The following HARBI1 variants were observed in gnomAD, a reference collection of about 807,000 sequenced individuals.
HARBI1 encodes putative nuclease HARBI1.
A neutral mutation model predicts 25.3 loss-of-function variants in HARBI1; 15 were observed. That is an observed-to-expected ratio of 0.59 (90% CI 0.40 to 0.91). The LOEUF is 0.91. Among genes scored for constraint, HARBI1 ranks in the 40% least tolerant of loss-of-function variants. The probability of loss-of-function intolerance (pLI) is 0.00; values close to 1 mark genes in which losing one functional copy is unlikely to be tolerated. For synonymous variants in HARBI1, 168 were observed against 160.5 expected, an observed-to-expected ratio of 1.05 and a Z score of -0.35; for missense variants, 396 against 445.8, an observed-to-expected ratio of 0.89 and a Z score of 1.01.
intron 1 of HARBI1, chr11:46,616,853 A>AAC (rs2045548406): frequency 1.0e-6 from 1 of 964,440 alleles, no homozygotes; most frequent in African/African-American, 1.8e-5. Context: ...AAAAAAAAAA[A>AAC]AAAAAAAAAC....
chr11:46,605,964 C>T (rs1237739204), intron 2 of HARBI1, among the ~76,000 whole-genome samples: 1 of 151,972 alleles, frequency 6.6e-6, no homozygotes, highest in Non-Finnish European at 1.5e-5. Context: ...CGGCTCACTG[C>T]AACCTCCGCC....
chr11:46,607,999 C>T (rs1247107825), intron 2 of HARBI1, among the ~76,000 whole-genome samples: 1 of 150,324 alleles, frequency 6.7e-6, no homozygotes, highest in African/African-American at 2.4e-5. Flanking sequence ...AGGGTTGTTT[C>T]TTAAAATACA....
chr11:46,615,206 C>T (rs971155116), intron 2 of HARBI1, among the ~76,000 whole-genome samples: 1 of 150,998 alleles, frequency 6.6e-6, no homozygotes, highest in Non-Finnish European at 1.5e-5. Context: ...GCTACACGTG[C>T]GGTCCCTTTT....
Position 46,603,328 on chromosome 11 carries a change from T to G in HARBI1, c.*202A>C. On this transcript the variant is annotated 3_prime_UTR_variant, in exon 3 of 3. Transcript: ENST00000326737. ...GGATAGTAGGGAGCCGCTGTCTTGG[T>G]TTCAGTTTAATTAATGCATATGCAA... The G allele has an allele frequency of 1.9e-6, 1 of 513,376 alleles. No homozygotes were observed. Among genetic ancestry groups the G allele is most frequent in the Non-Finnish European group, 3.4e-6 (1 of 292,220 alleles). The allele number at this position is 513,376 out of a possible 1,614,324, so 31.8% of individuals were successfully genotyped here.
rs754962032 is a variant in HARBI1 at position 46,615,998 on chromosome 11, A to AT, written c.239dup (p.Tyr80Ter). Residue 80 changes from tyrosine to a stop codon, truncating the protein, a stop_gained and frameshift_variant, in exon 2 of 3, where the codon TAT (tyrosine) becomes TAAT (stop). Coordinates refer to ENST00000326737, the MANE Select transcript of HARBI1 (RefSeq NM_173811.4). LOFTEE classifies it high-confidence loss of function. ...ETQVLAALGFYTSGSFQTRMG... is the reference protein window; with the variant it reads ...ETQVLAALGF Reference sequence around the variant, plus strand: ...TCCGAGTCTGGAAGGAACCTGAGGTATAAAAACCCAATGCTGCAAGGACCT... The same window carrying AT: ...TCCGAGTCTGGAAGGAACCTGAGGTATTAAAAACCCAATGCTGCAAGGACCT... 1 of 1,614,232 alleles carries AT rather than the reference A, an allele frequency of 6.2e-7. No individual in the cohort carries two copies. The highest frequency in any genetic ancestry group is 1.1e-5 in the South Asian group (1 of 91,090).
chr11:46,617,667 G>A, upstream of HARBI1: 1 of 387,862 alleles, frequency 2.6e-6, no homozygotes. Flanking sequence ...GCACTGAAGA[G>A]CGCCAGTCGA....
At chr11:46,607,913 A>C (rs1325970849) in intron 2 of HARBI1, among the ~76,000 whole-genome samples, 44 of 94,916 alleles carry the variant, frequency 4.6e-4, no homozygotes, top group Non-Finnish European at 8.8e-4. Flanking sequence ...AAATAATGCA[A>C]AAAAAAAAAA....
rs2045425669 is a variant in HARBI1 at position 46,616,051 on chromosome 11, G to A, written c.187C>T (p.Arg63Ter). 2 of 1,614,056 alleles carry A rather than the reference G, an allele frequency of 1.2e-6. No individual in the cohort carries two copies. Among genetic ancestry groups the A allele is most frequent in the African/African-American group, 1.3e-5 (1 of 74,922 alleles). The change falls in exon 2 of 3, where the codon CGA (arginine) becomes TGA (stop). Residue 63 changes from arginine to a stop codon, truncating the protein, a stop_gained. Transcript: ENST00000326737. LOFTEE classifies it high-confidence loss of function. ...GTCTCTGGGCTAATAGCCCTGGATC[G>A]CTGAGTAGGCCTAGAAAGATTCGCC... ...LGANLSRPTQ[R>*]SRAISPETQV...
At chr11:46,617,386 G>T (rs1244438418), upstream of HARBI1, 1 of 154,562 alleles carries the variant, frequency 6.5e-6, no homozygotes, top group Non-Finnish European at 1.4e-5. Flanking sequence ...GTTTTATCTT[G>T]AGTAGCTTAG....
chr11:46,605,293 A>G (rs1203593071), intron 2 of HARBI1, among the ~76,000 whole-genome samples: 2 of 152,122 alleles, frequency 1.3e-5, no homozygotes, highest in Non-Finnish European at 2.9e-5. Flanking sequence ...AGTTCGCTGC[A>G]GCCTCAACCT....
intron 2 of HARBI1, among the ~76,000 whole-genome samples, chr11:46,610,741 G>A (rs1192616206): frequency 6.6e-6 from 1 of 152,032 alleles, no homozygotes; most frequent in African/African-American, 2.4e-5. Flanking sequence ...TGTAGAGAGG[G>A]GCATCAGAAA....
At chr11:46,617,540 ACC>A (rs1248618726), upstream of HARBI1, 13 of 80,268 alleles carry the variant, frequency 1.6e-4, no homozygotes, top group African/African-American at 3.1e-4. Context: ...GCCCTCTTTC[ACC>A]CCCCCCCCCC....
At chr11:46,616,899 CTG>C in intron 1 of HARBI1, 1 of 952,904 alleles carries the variant, frequency 1.0e-6, no homozygotes, top group Non-Finnish European at 1.2e-6. Flanking sequence ...TGGACGTACA[CTG>C]TGTGCTGTAA....
chr11:46,614,327 TGAG>T (rs1196605538), intron 2 of HARBI1, among the ~76,000 whole-genome samples: 1 of 152,016 alleles, frequency 6.6e-6, no homozygotes, highest in Non-Finnish European at 1.5e-5. Flanking sequence ...CTCAGGAGGC[TGAG>T]GCAGAATTGC....
chr11:46,616,689 C>T, intron 1 of HARBI1: 1 of 994,736 alleles, frequency 1.0e-6, no homozygotes, highest in Non-Finnish European at 1.2e-6. Flanking sequence ...ACTATATAGG[C>T]CAAGAAGCAG....
intron 2 of HARBI1, among the ~76,000 whole-genome samples, chr11:46,612,556 A>G (rs1002793037): frequency 2.6e-5 from 4 of 152,196 alleles, no homozygotes; most frequent in Non-Finnish European, 5.9e-5. Flanking sequence ...AGTCTTTCCA[A>G]TGGAACTCGG....
intron 2 of HARBI1, among the ~76,000 whole-genome samples, chr11:46,606,245 C>G (rs1483724744): frequency 6.6e-6 from 1 of 151,922 alleles, no homozygotes; most frequent in Non-Finnish European, 1.5e-5. Context: ...GAAACTGATG[C>G]TATAAATAAT....
chr11:46,611,418 T>C (rs2045179629), intron 2 of HARBI1, among the ~76,000 whole-genome samples: 1 of 152,104 alleles, frequency 6.6e-6, no homozygotes, highest in African/African-American at 2.4e-5. Flanking sequence ...GGCTTAATAG[T>C]TAGGGAACCG....
chr11:46,605,954 C>T (rs914790259), intron 2 of HARBI1, among the ~76,000 whole-genome samples: 11 of 152,000 alleles, frequency 7.2e-5, no homozygotes, highest in African/African-American at 2.4e-4. Context: ...AGCATGATCT[C>T]GGCTCACTGC....
Sources: allele counts gnomAD v4.1 joint callset (sites outside exome capture counted in the v4.1 genomes callset), GRCh38; gene constraint gnomAD v4.1.1; transcripts MANE v1.5; gene names NCBI Gene and HGNC (gene_info 2026-07-23, HGNC 2026-07-21).